Variants in RTKN2 observed in about 807,000 individuals in gnomAD.
The protein encoded by RTKN2 is rhotekin-2.
RTKN2 carries 69 observed loss-of-function variants against 71.5 expected under a neutral mutation model. The observed-to-expected ratio is 0.96, with a 90% confidence interval of 0.79 to 1.18. The LOEUF is 1.18. RTKN2 is among the 50% of genes most tolerant of loss of function. The pLI, the probability that RTKN2 is intolerant of heterozygous loss-of-function variation, is 0.00. For synonymous variants in RTKN2, 236 were observed against 236.5 expected (o/e 1.00, Z 0.02); for missense variants, 724 against 719.7 (o/e 1.01, Z -0.07).
At chr10:62,225,326 A>AT (rs1269463302) in intron 6 of RTKN2, among the ~76,000 whole-genome samples, 2 of 152,156 alleles carry the variant, frequency 1.3e-5, no homozygotes, top group Non-Finnish European at 2.9e-5. Flanking sequence ...ACATGGACCA[A>AT]TCCCCCCTTC....
At chr10:62,207,060 G>A (rs1027398186) in intron 9 of RTKN2, among the ~76,000 whole-genome samples, 7 of 151,954 alleles carry the variant, frequency 4.6e-5, no homozygotes, top group Non-Finnish European at 8.8e-5. Context: ...CTGAAATTGT[G>A]CTTCCCTCCA....
intron 1 of RTKN2, 142 bp downstream of exon 1, chr10:62,268,409 C>G (rs1056520724): frequency 6.0e-6 from 5 of 838,482 alleles, no homozygotes; most frequent in Non-Finnish European, 1.0e-5. Flanking sequence ...GCGCAGTCTC[C>G]TAATCCCTCC....
Position 62,217,245 on chromosome 10 carries a change from A to G in RTKN2, c.893T>C (p.Met298Thr), listed in dbSNP as rs557898940. 125 of 1,453,096 alleles carry G rather than the reference A, an allele frequency of 8.6e-5. No individual in the cohort carries two copies. The East Asian group carries it at 8.7e-4, about 10-fold the overall frequency. The allele number at this position is 1,453,096 out of a possible 1,614,324, so 90.0% of individuals were successfully genotyped here. A position where few individuals can be genotyped will look rare whatever the true frequency, so the allele number is the denominator to read the frequency against. ...AFAGFLNQQQ[M>T]VEGLISWRRL... is the part of the protein sequence containing the mutation. ...TCTCCAACTAATCAGACCTTCTACC[A>G]TTTGCTGAAAAAAAAAAAAAAAAAA... Residue 298 changes from methionine to threonine, a missense_variant, in exon 9 of 12, where the codon ATG becomes ACG. Met to Thr is a moderately conservative substitution (Grantham distance 81, BLOSUM62 -1). Coordinates refer to ENST00000373789, the MANE Select transcript of RTKN2 (RefSeq NM_145307.4).
chr10:62,207,043 CTT>C (rs1841562634), intron 9 of RTKN2, among the ~76,000 whole-genome samples: 1 of 151,930 alleles, frequency 6.6e-6, no homozygotes, highest in South Asian at 2.1e-4. Context: ...AAAAAGTATT[CTT>C]GTTACTGAAA....
In RTKN2 at chr10:62,198,071, A is replaced by G; in HGVS notation, c.1667T>C (p.Met556Thr). 1 of 1,614,096 alleles carries G rather than the reference A, an allele frequency of 6.2e-7. No individual in the cohort carries two copies. The change falls in exon 12 of 12, where the codon ATG becomes ACG. Residue 556 changes from methionine to threonine, a missense_variant. Physicochemically the swap from Met to Thr is moderately conservative, Grantham distance 81 (BLOSUM62 -1). Coordinates refer to ENST00000373789, the MANE Select transcript of RTKN2 (RefSeq NM_145307.4). ...AGGCAGAAGTTTTCGAGGAGCAGCCATTGGTTTCTGTAAGTGATGCATTAG... is the reference window on the plus strand; with the variant it reads ...AGGCAGAAGTTTTCGAGGAGCAGCCGTTGGTTTCTGTAAGTGATGCATTAG... ...STLMHHLQKP[M>T]AAPRKLLPAR...
rs1366575603 is a variant in RTKN2 at position 62,239,688 on chromosome 10, T to C, written c.448A>G (p.Lys150Glu). 1.9e-6 allele frequency: 3 copies of C among 1,567,744 alleles called. No homozygotes were observed. The highest frequency in any genetic ancestry group is 2.7e-5 in the African/African-American group (2 of 73,592). Residue 150 changes from lysine (K) to glutamate (E), a missense_variant, in exon 5 of 12, where the codon AAA (lysine) becomes GAA (glutamate). By Grantham distance (56) the Lys-to-Glu change is moderately conservative. Coordinates refer to ENST00000373789, the MANE Select transcript of RTKN2 (RefSeq NM_145307.4). ...TCAAAACATATATCTGTGATTGTTTTATCCACATTCACCACATCAGTATCA... is the reference window on the plus strand; with the variant it reads ...TCAAAACATATATCTGTGATTGTTTCATCCACATTCACCACATCAGTATCA... ...VFDTDVVNVDKTITDICFENV... is the reference protein window; with the variant it reads ...VFDTDVVNVDETITDICFENV...
intron 8 of RTKN2, among the ~76,000 whole-genome samples, chr10:62,217,473 G>C (rs1458568626): frequency 2.0e-5 from 3 of 152,100 alleles, no homozygotes; most frequent in African/African-American, 4.8e-5. Flanking sequence ...AAGTGAAATG[G>C]AGGCAACGAT....
intron 8 of RTKN2, among the ~76,000 whole-genome samples, chr10:62,187,065 CT>C (rs1841148182): frequency 6.6e-6 from 1 of 152,110 alleles, no homozygotes; most frequent in African/African-American, 2.4e-5. Context: ...TGAAATCGGT[CT>C]AAAGTGGAAT....
At chr10:62,263,600 C>T (rs1564533127) in intron 1 of RTKN2, among the ~76,000 whole-genome samples, 1 of 152,020 alleles carries the variant, frequency 6.6e-6, no homozygotes, top group Admixed American at 6.5e-5. Flanking sequence ...GTGAATTAAC[C>T]AAGAAAAACA....
chr10:62,197,130 GCTA>G lies in RTKN2; in HGVS notation c.*775_*777del. 1.0e-6 allele frequency: 1 copy of G among 984,652 alleles called. No individual in the cohort carries two copies. Among genetic ancestry groups the G allele is most frequent in the Non-Finnish European group, 1.2e-6 (1 of 829,252 alleles). The allele number at this position is 984,652 out of a possible 1,614,324, so 61.0% of individuals were successfully genotyped here. ...TAAATGAATTTTAAGGTGTTGATCA[GCTA>G]CTCACTTCCCTAAATTCCAAAGTCA... On this transcript the variant is annotated 3_prime_UTR_variant, in exon 12 of 12. Coordinates refer to ENST00000373789, the MANE Select transcript of RTKN2 (RefSeq NM_145307.4).
downstream of RTKN2, among the ~76,000 whole-genome samples, chr10:62,190,300 A>G (rs991724342): frequency 3.3e-5 from 5 of 152,170 alleles, no homozygotes; most frequent in African/African-American, 1.2e-4. Context: ...ACTGAGGATG[A>G]GAGCACTTTC....
At position 62,218,215 on chromosome 10, in the gene RTKN2, C is replaced by T. The variant is rs1355584529; in HGVS notation, c.868G>A (p.Ala290Thr). 5.0e-6 allele frequency: 8 copies of T among 1,611,722 alleles called. No individual in the cohort carries two copies. The highest frequency in any genetic ancestry group is 6.8e-6 in the Non-Finnish European group (8 of 1,178,446). Residue 290 changes from alanine (A) to threonine (T), a missense_variant, in exon 8 of 12, where the codon GCA (alanine) becomes ACA (threonine). Ala to Thr is a moderately conservative substitution (Grantham distance 58). Transcript: ENST00000373789. Reference sequence around the variant, plus strand: ...CTAACCTGCTGATTAAGAAATCCTGCAAATGCATCCTCAGCCATACAAGCT... The same window carrying T: ...CTAACCTGCTGATTAAGAAATCCTGTAAATGCATCCTCAGCCATACAAGCT... ...QPACMAEDAF[A>T]GFLNQQQMVE... is the part of the protein sequence containing the mutation.
chr10:62,243,650 T>C (rs1321114947), intron 3 of RTKN2, among the ~76,000 whole-genome samples: 1 of 152,188 alleles, frequency 6.6e-6, no homozygotes, highest in Admixed American at 6.5e-5. Flanking sequence ...GCTCTTCAGA[T>C]AGCAATGGAT....
intron 2 of RTKN2, among the ~76,000 whole-genome samples, chr10:62,256,121 T>C (rs563777441): frequency 2.6e-5 from 4 of 151,950 alleles, no homozygotes; most frequent in Admixed American, 1.3e-4. Context: ...TGGATGCAAG[T>C]GATCCTCCTG....
intron 8 of RTKN2, among the ~76,000 whole-genome samples, chr10:62,186,873 G>A (rs1162187021): frequency 6.6e-6 from 1 of 152,162 alleles, no homozygotes; most frequent in Non-Finnish European, 1.5e-5. Flanking sequence ...TAAGTTGGTT[G>A]AGTACATTTT....
At chr10:62,218,703 A>C (rs192792719) in intron 7 of RTKN2, among the ~76,000 whole-genome samples, 8 of 152,332 alleles carry the variant, frequency 5.3e-5, no homozygotes, top group African/African-American at 1.9e-4. Context: ...CATTATAATA[A>C]TTAGAAAAGT....
Position 62,205,017 on chromosome 10 carries a change from G to C in RTKN2, c.1026C>G (p.Thr342=). The C allele has an allele frequency of 1.3e-6, 2 of 1,574,960 alleles. No homozygotes were observed. The highest frequency in any genetic ancestry group is 1.7e-6 in the Non-Finnish European group (2 of 1,169,022). ...PALVVPINKE[T]RIRAMDKDAK... ...CATCCTTATCCATTGCCCGGATTCTGGTTTCCTAAAAATTAAGAAAAAAAT... is the reference window on the plus strand; with the variant it reads ...CATCCTTATCCATTGCCCGGATTCTCGTTTCCTAAAAATTAAGAAAAAAAT... The change falls in exon 10 of 12, where the codon ACC becomes ACG. Residue 342 remains threonine (T), a synonymous_variant. Coordinates refer to ENST00000373789, the MANE Select transcript of RTKN2 (RefSeq NM_145307.4).
intron 4 of RTKN2, among the ~76,000 whole-genome samples, 174 bp from the exon 5 acceptor site, chr10:62,239,939 C>G (rs1194403370): frequency 6.6e-6 from 1 of 152,056 alleles, no homozygotes; most frequent in African/African-American, 2.4e-5. Flanking sequence ...GAATACCTTA[C>G]TCAACTAGAA....
At chr10:62,262,509 T>C (rs1252645463) in intron 2 of RTKN2, 116 bp downstream of exon 2, 3 of 679,098 alleles carry the variant, frequency 4.4e-6, no homozygotes, top group Non-Finnish European at 7.2e-6. Context: ...CTTCAGTGTA[T>C]TTGTTTTTTA....
Sources: allele counts gnomAD v4.1 joint callset (sites outside exome capture counted in the v4.1 genomes callset), GRCh38; gene constraint gnomAD v4.1.1; transcripts MANE v1.5; gene names NCBI Gene and HGNC (gene_info 2026-07-23, HGNC 2026-07-21).